GTF2I: variants seen among roughly 807,000 people sequenced by gnomAD.
The protein encoded by GTF2I is general transcription factor IIi, also known as general transcription factor II-I.
GTF2I carries 12 observed loss-of-function variants against 67.6 expected under a neutral mutation model. That is an observed-to-expected ratio of 0.18 (90% CI 0.11 to 0.29). The LOEUF is 0.29. Among genes scored for constraint, GTF2I ranks in the 10% least tolerant of loss-of-function variants. The probability of loss-of-function intolerance (pLI) is 1.00; values close to 1 mark genes in which losing one functional copy is unlikely to be tolerated. For synonymous variants in GTF2I, 149 were observed against 197.0 expected, an observed-to-expected ratio of 0.76 and a Z score of 2.04; for missense variants, 271 against 580.1, an observed-to-expected ratio of 0.47 and a Z score of 5.47.
At chr7:74,685,357 TGTG>T (rs1295177320) in intron 1 of GTF2I, among the ~76,000 whole-genome samples, 3 of 151,572 alleles carry the variant, frequency 2.0e-5, no homozygotes, top group Non-Finnish European at 4.4e-5. Context: ...ATTAGCCAGG[TGTG>T]GTGGCAGTTA....
Position 74,657,930 on chromosome 7 carries a change from GC to G in GTF2I, c.-139del, listed in dbSNP as rs1242854489. On this transcript the variant is annotated 5_prime_UTR_variant, in exon 1 of 35. Transcript: ENST00000573035. ...CGCGACCGACACGCACGGGCCCCTC[GC>G]CCCCTCTCGCCTCCCGTCCGCTCGC... 1 of 152,038 alleles carries G rather than the reference GC, an allele frequency of 6.6e-6. No homozygotes were observed. The highest frequency in any genetic ancestry group is 1.5e-5 in the Non-Finnish European group (1 of 68,192). 9.4% of individuals were successfully genotyped at this position (152,038 alleles called of 1,614,324 possible).
chr7:74,665,645 T>G (rs1462624967), intron 1 of GTF2I, among the ~76,000 whole-genome samples: 1 of 152,200 alleles, frequency 6.6e-6, no homozygotes, highest in African/African-American at 2.4e-5. Flanking sequence ...CTGTCTGGCA[T>G]GTAGTAGACA....
At chr7:74,698,163 G>A (rs1415628772) in intron 3 of GTF2I, among the ~76,000 whole-genome samples, 1 of 152,040 alleles carries the variant, frequency 6.6e-6, no homozygotes, top group African/African-American at 2.4e-5. Context: ...CACTGTGTTA[G>A]CCAGGATGGT....
At chr7:74,707,341 T>A (rs1361637829) in intron 8 of GTF2I, among the ~76,000 whole-genome samples, 1 of 152,194 alleles carries the variant, frequency 6.6e-6, no homozygotes. Flanking sequence ...TGCCCCCTCA[T>A]CTCCCTCTGT....
intron 1 of GTF2I, among the ~76,000 whole-genome samples, chr7:74,683,105 A>G (rs1787402004): frequency 6.6e-6 from 1 of 152,198 alleles, no homozygotes; most frequent in South Asian, 2.1e-4. Context: ...CTAAAGAGAC[A>G]ATAGCTTAGA....
At chr7:74,689,025 T>C (rs1554396143) in intron 1 of GTF2I, 99 bp from the exon 2 acceptor site, 2 of 705,084 alleles carry the variant, frequency 2.8e-6, no homozygotes, top group Admixed American at 2.2e-5. Flanking sequence ...GCAAGAAAAC[T>C]GTAAATTAGG....
At chr7:74,751,880 TGTGA>T (rs1185887837) in intron 27 of GTF2I, among the ~76,000 whole-genome samples, 1 of 31,172 alleles carries the variant, frequency 3.2e-5, no homozygotes, top group African/African-American at 6.5e-5. Flanking sequence ...TGGGTGGCTC[TGTGA>T]GTGTGTGATG....
chr7:74,670,435 G>A (rs181633834), intron 1 of GTF2I, among the ~76,000 whole-genome samples: 5 of 152,184 alleles, frequency 3.3e-5, no homozygotes, highest in Admixed American at 3.3e-4. Context: ...GGTGGCTCAC[G>A]CCTGTAATCC....
At chr7:74,669,420 G>A (rs1805264714) in intron 1 of GTF2I, among the ~76,000 whole-genome samples, 1 of 151,068 alleles carries the variant, frequency 6.6e-6, no homozygotes, top group African/African-American at 2.4e-5. Flanking sequence ...GGTAGAGAAC[G>A]AGGTTTCATC....
At position 74,693,991 on chromosome 7, in the gene GTF2I, T is replaced by C. The variant is rs587666196; in HGVS notation, c.238+2880T>C. ...GAGGAAGGCATGTCAGCAGCTGAGG[T>C]AGGCTGAAAGCTAGGCTGAACAGGT... On this transcript the variant is annotated intron_variant, in intron 3 of 34. Transcript: ENST00000573035. Among the ~76,000 whole-genome samples, 26 of 152,270 alleles carry C rather than the reference T, an allele frequency of 1.7e-4. No homozygotes were observed. The East Asian group carries it at 4.0e-3, about 24-fold the overall frequency.
chr7:74,710,161 T>C (rs1196603066), intron 8 of GTF2I, among the ~76,000 whole-genome samples: 2 of 152,176 alleles, frequency 1.3e-5, no homozygotes, highest in African/African-American at 4.8e-5. Flanking sequence ...ATGCATACCC[T>C]TTGTATATCA....
chr7:74,723,428 C>CCTTTTTTTTTTTTTTTTTTTT (rs1793319970), intron 12 of GTF2I, among the ~76,000 whole-genome samples: 2 of 61,090 alleles, frequency 3.3e-5, no homozygotes, highest in African/African-American at 1.7e-4. Context: ...CTCCCGGCCT[C>CCTTTTTTTTTTTTTTTTTTTT]TTTTTTTTTT....
At chr7:74,698,122 A>ATT (rs1230726215) in intron 3 of GTF2I, among the ~76,000 whole-genome samples, 1 of 151,982 alleles carries the variant, frequency 6.6e-6, no homozygotes, top group Non-Finnish European at 1.5e-5. Context: ...CGCCCGGAGA[A>ATT]TTTTTTGTAT....
intron 12 of GTF2I, among the ~76,000 whole-genome samples, chr7:74,719,594 T>C (rs1188049012): frequency 2.0e-5 from 3 of 152,232 alleles, no homozygotes; most frequent in Non-Finnish European, 4.4e-5. Flanking sequence ...TATTAATAGT[T>C]ATTAAATGAG....
chr7:74,702,540 ACTGACAAG>A (rs1789946566), intron 6 of GTF2I, among the ~76,000 whole-genome samples: 2 of 152,172 alleles, frequency 1.3e-5, no homozygotes, highest in Admixed American at 6.6e-5. Context: ...CTTTGAAGAA[ACTGACAAG>A]CTGTTTTCCA....
chr7:74,712,566 C>T (rs1223925829), intron 9 of GTF2I, among the ~76,000 whole-genome samples: 5 of 150,072 alleles, frequency 3.3e-5, no homozygotes, highest in Non-Finnish European at 1.5e-5. Context: ...TTATATATGC[C>T]ACTTCCTGAG....
chr7:74,669,787 T>G (rs1459151644), intron 1 of GTF2I, among the ~76,000 whole-genome samples: 1 of 152,136 alleles, frequency 6.6e-6, no homozygotes, highest in African/African-American at 2.4e-5. Flanking sequence ...CACTTCGACC[T>G]CCCAAAGTGC....
chr7:74,727,315 C>T (rs919970407), intron 12 of GTF2I: 4 of 152,204 alleles, frequency 2.6e-5, no homozygotes, highest in African/African-American at 9.7e-5. Flanking sequence ...CTTAAGATTT[C>T]CCTTGATTAA....
intron 3 of GTF2I, among the ~76,000 whole-genome samples, 167 bp from the exon 4 acceptor site, chr7:74,698,794 A>G (rs957729006): frequency 3.9e-5 from 6 of 152,178 alleles, no homozygotes; most frequent in Non-Finnish European, 7.3e-5. Flanking sequence ...TGATTAATAA[A>G]TGTTAAAGAA....
Sources: allele counts gnomAD v4.1 joint callset (sites outside exome capture counted in the v4.1 genomes callset), GRCh38; gene constraint gnomAD v4.1.1; transcripts MANE v1.5; gene names NCBI Gene and HGNC (gene_info 2026-07-23, HGNC 2026-07-21).